The following C11orf65 variants were observed in gnomAD, a reference collection of about 807,000 sequenced individuals.
The protein encoded by C11orf65 is protein MFI.
Under a neutral mutation model 35.3 loss-of-function variants are expected in C11orf65, and 38 were observed. The observed-to-expected ratio is 1.08, with a 90% CI of 0.83 to 1.41. The LOEUF (loss-of-function observed/expected upper bound fraction) is 1.41. C11orf65 is among the 40% of genes most tolerant of loss of function. The pLI, the probability that C11orf65 is intolerant of heterozygous loss-of-function variation, is 0.00. For missense variants in C11orf65, 370 were observed against 367.1 expected (o/e 1.01, Z -0.06); for synonymous variants, 105 against 114.4 (o/e 0.92, Z 0.53).
chr11:108,366,602 C>T (rs997879955), intron 2 of C11orf65: 2 of 230,366 alleles, frequency 8.7e-6, no homozygotes, highest in African/African-American at 4.4e-5. Context: ...CTGTTTATGT[C>T]ATATTCCCAG....
intron 2 of C11orf65, among the ~76,000 whole-genome samples, chr11:108,356,696 A>G (rs1370040054): frequency 6.6e-6 from 1 of 152,198 alleles, no homozygotes; most frequent in Non-Finnish European, 1.5e-5. Flanking sequence ...TATCCTACCT[A>G]ACACTCACCA....
intron 7 of C11orf65, among the ~76,000 whole-genome samples, chr11:108,390,214 C>T (rs1226956772): frequency 9.3e-5 from 14 of 151,040 alleles, no homozygotes; most frequent in Admixed American, 5.9e-4. Flanking sequence ...TTAGTGGAGA[C>T]GGGGTTTCAC....
intron 8 of C11orf65, among the ~76,000 whole-genome samples, chr11:108,383,804 A>G (rs144301943): frequency 6.6e-6 from 1 of 151,852 alleles, no homozygotes; most frequent in Non-Finnish European, 1.5e-5. Flanking sequence ...GCTCCTTCCA[A>G]CTACCATCCT....
chr11:108,312,382 A>G, intron 6 of C11orf65: 1 of 1,500,586 alleles, frequency 6.7e-7, no homozygotes, highest in African/African-American at 1.4e-5. Context: ...GTATGTTCTC[A>G]TTAAAAGAGG....
At chr11:108,453,312 G>A (rs2093374708) in intron 2 of C11orf65, among the ~76,000 whole-genome samples, 1 of 150,958 alleles carries the variant, frequency 6.6e-6, no homozygotes, top group Non-Finnish European at 1.5e-5. Flanking sequence ...TTACCACCAA[G>A]AAAGGGAAAA....
chr11:108,394,054 C>T (rs569475412), intron 6 of C11orf65, among the ~76,000 whole-genome samples: 14 of 151,892 alleles, frequency 9.2e-5, no homozygotes, highest in African/African-American at 2.9e-4. Flanking sequence ...GTGGCGGGCC[C>T]CTGTAATCCC....
downstream of C11orf65, among the ~76,000 whole-genome samples, chr11:108,328,075 G>A (rs112998930): frequency 3.5e-4 from 54 of 152,168 alleles, no homozygotes; most frequent in African/African-American, 1.3e-3. Flanking sequence ...TTAAGAATAG[G>A]CAAGTCAGCC....
intron 2 of C11orf65, among the ~76,000 whole-genome samples, chr11:108,439,443 T>C (rs374860530): frequency 3.9e-5 from 6 of 152,174 alleles, no homozygotes; most frequent in South Asian, 2.1e-4. Context: ...AAGTCAAACA[T>C]TGAATTACAT....
At chr11:108,338,559 G>A (rs1482924285) in intron 2 of C11orf65, among the ~76,000 whole-genome samples, 1 of 152,070 alleles carries the variant, frequency 6.6e-6, no homozygotes, top group African/African-American at 2.4e-5. Context: ...AGAAGCTAAA[G>A]CGTGAGGATT....
At chr11:108,378,230 A>C (rs1179879342), downstream of C11orf65, among the ~76,000 whole-genome samples, 30 of 151,446 alleles carry the variant, frequency 2.0e-4, no homozygotes, top group African/African-American at 6.1e-4. Flanking sequence ...ACTTCAAACT[A>C]TACTACAAGG....
At chr11:108,432,585 C>T (rs1208170346) in intron 2 of C11orf65, among the ~76,000 whole-genome samples, 1 of 152,126 alleles carries the variant, frequency 6.6e-6, no homozygotes, top group East Asian at 1.9e-4. Context: ...AGCCCCATCT[C>T]CCTAAAAATG....
chr11:108,447,227 G>T (rs1285247059), intron 2 of C11orf65, among the ~76,000 whole-genome samples: 1 of 152,034 alleles, frequency 6.6e-6, no homozygotes, highest in African/African-American at 2.4e-5. Context: ...AGATCAACGA[G>T]ACAGAAAGTT....
intron 6 of C11orf65, among the ~76,000 whole-genome samples, chr11:108,311,367 G>A (rs1219562593): frequency 6.6e-6 from 1 of 152,046 alleles, no homozygotes; most frequent in Non-Finnish European, 1.5e-5. Context: ...ATTTGAAGAA[G>A]GGTGCCAAAG....
At chr11:108,357,255 A>G (rs2090084619) in intron 2 of C11orf65, among the ~76,000 whole-genome samples, 1 of 152,154 alleles carries the variant, frequency 6.6e-6, no homozygotes, top group South Asian at 2.1e-4. Flanking sequence ...AAAACGGCGC[A>G]CCACGAGATT....
rs192830561 is a variant in C11orf65 at position 108,310,042 on chromosome 11, T to C, written c.641-971A>G. The stretch of plus-strand genomic sequence containing the variant: ...GGTATATATTGGGGAAATGTGGTTT[T>C]TGGGAATTTGTAATTTTCTGTTAAG... On this transcript the variant is annotated intron_variant, in intron 6 of 6. Coordinates refer to the C11orf65 transcript ENST00000525729. 124 of 1,058,072 alleles carry C rather than the reference T, an allele frequency of 1.2e-4. No individual in the cohort carries two copies. In the African/African-American group the frequency reaches 1.8e-3, roughly 15 times the overall value. The allele number at this position is 1,058,072 out of a possible 1,614,324, so 65.5% of individuals were successfully genotyped here.
intron 2 of C11orf65, among the ~76,000 whole-genome samples, chr11:108,374,529 G>T (rs2091666351): frequency 6.6e-6 from 1 of 152,160 alleles, no homozygotes; most frequent in Non-Finnish European, 1.5e-5. Context: ...AAACCACAAA[G>T]ATGGGGAAAA....
At chr11:108,361,779 C>T (rs2090792351) in intron 2 of C11orf65, among the ~76,000 whole-genome samples, 1 of 152,102 alleles carries the variant, frequency 6.6e-6, no homozygotes. Flanking sequence ...CTTCCTTACA[C>T]CTGATACAAA....
chr11:108,439,247 T>C (rs2093113552), intron 2 of C11orf65, among the ~76,000 whole-genome samples: 1 of 152,150 alleles, frequency 6.6e-6, no homozygotes, highest in Admixed American at 6.5e-5. Context: ...ATATCACTAG[T>C]CATAAGGGAA....
Position 108,404,725 on chromosome 11 carries a change from G to A in C11orf65, c.560+704C>T, listed in dbSNP as rs137888714. ...ATTACAGGCGTGAGCCACCGCGCCC[G>A]GCCACATGGGGGTTTATTTCACAAT... On this transcript the variant is annotated intron_variant, in intron 6 of 8. Transcript: ENST00000393084. Among the ~76,000 whole-genome samples, 1,236 of 152,074 alleles carry A rather than the reference G, an allele frequency of 8.1e-3. 12 individuals are homozygous for A. The highest frequency in any genetic ancestry group is 0.024 in the African/African-American group (1,013 of 41,458).
Sources: allele counts gnomAD v4.1 joint callset (sites outside exome capture counted in the v4.1 genomes callset), GRCh38; gene constraint gnomAD v4.1.1; transcripts MANE v1.5; gene names NCBI Gene and HGNC (gene_info 2026-07-23, HGNC 2026-07-21).